The following OGA variants were observed in gnomAD, a reference collection of about 807,000 sequenced individuals.
OGA encodes the protein O-GlcNAcase.
In OGA, 21 loss-of-function variants were observed where a neutral mutation model predicts 102.0. The ratio of observed to expected loss-of-function variants is 0.21; its 90% CI spans 0.15 to 0.30. The LOEUF is 0.30. Among genes scored for constraint, OGA ranks in the 10% least tolerant of loss-of-function variants. The pLI is 1.00. For missense variants in OGA, 765 were observed against 1,107.8 expected, an observed-to-expected ratio of 0.69 and a Z score of 4.39; for synonymous variants, 408 against 378.2, an observed-to-expected ratio of 1.08 and a Z score of -0.91.
chr10:101,799,335 C>T lies in OGA; in HGVS notation c.1316G>A (p.Ser439Asn), dbSNP rs770015307. ...VTTVYQEPIM[S>N]QGAALSGEPT... ...CTCACCACTCAAGGCTGCTCCCTGG[C>T]TCATAATGGGCTCCTGATAAACTGT... is the stretch of plus-strand genomic sequence containing the variant. The change falls in exon 9 of 16, where the codon AGC (serine) becomes AAC (asparagine). Residue 439 changes from serine to asparagine, a missense_variant. By Grantham distance (46) the Ser-to-Asn change is conservative (BLOSUM62 1). Coordinates refer to ENST00000361464, the MANE Select transcript of OGA (RefSeq NM_012215.5). 2 of 1,614,128 alleles carry T rather than the reference C, an allele frequency of 1.2e-6. No homozygotes were observed. The highest frequency in any genetic ancestry group is 2.2e-5 in the East Asian group (1 of 44,886).
rs373665712 is a variant in OGA at position 101,791,305 on chromosome 10, A to C, written c.2261+49T>G. On this transcript the variant is annotated intron_variant, in intron 13 of 15. Coordinates refer to ENST00000361464, the MANE Select transcript of OGA (RefSeq NM_012215.5). ...GTCATCACCTCCCCTCAACCTGATA[A>C]GCCTCACTATGAAAGGTCTACTCTC... is the stretch of plus-strand genomic sequence containing the variant. 2.0e-6 allele frequency: 3 copies of C among 1,468,058 alleles called. No individual in the cohort carries two copies. The African/African-American group carries it at 4.2e-5, about 20-fold the overall frequency. The allele number at this position is 1,468,058 out of a possible 1,614,324, so 90.9% of individuals were successfully genotyped here. A position where few individuals can be genotyped will look rare whatever the true frequency, so the allele number is the denominator to read the frequency against.
At chr10:101,808,357 A>G (rs1384147585) in intron 4 of OGA, among the ~76,000 whole-genome samples, 1 of 152,212 alleles carries the variant, frequency 6.6e-6, no homozygotes, top group Non-Finnish European at 1.5e-5. Flanking sequence ...AAAGTGGCCT[A>G]GCCTCCTAGT....
intron 1 of OGA, among the ~76,000 whole-genome samples, chr10:101,815,301 C>T (rs1249169464): frequency 6.6e-6 from 1 of 150,814 alleles, no homozygotes; most frequent in African/African-American, 2.4e-5. Context: ...TTTTCTCAGG[C>T]GGAATCTCAC....
intron 12 of OGA, among the ~76,000 whole-genome samples, chr10:101,791,926 AAGT>A (rs1468119119): frequency 6.6e-6 from 1 of 152,046 alleles, no homozygotes; most frequent in Non-Finnish European, 1.5e-5. Context: ...TCTCAGGCTC[AAGT>A]AATTCTCCGG....
chr10:101,812,320 T>C (rs2065569385), intron 3 of OGA, among the ~76,000 whole-genome samples: 1 of 152,022 alleles, frequency 6.6e-6, no homozygotes, highest in African/African-American at 2.4e-5. Context: ...GGCAGCAGAA[T>C]CTCTTGAACT....
chr10:101,787,794 A>T (rs1429634117), intron 14 of OGA: 4 of 332,888 alleles, frequency 1.2e-5, no homozygotes, highest in Non-Finnish European at 2.3e-5. Flanking sequence ...CCCTATTTAT[A>T]TCGTCAGGGC....
At chr10:101,804,100 T>TG in intron 6 of OGA, 81 bp from the exon 7 acceptor site, 14 of 1,308,270 alleles carry the variant, frequency 1.1e-5, no homozygotes, top group African/African-American at 1.5e-5. Context: ...ATCCCAGCAC[T>TG]CTGGGAGGCA....
intron 12 of OGA, among the ~76,000 whole-genome samples, chr10:101,792,172 CCGCACCCAGCTA>C (rs2065267674): frequency 1.3e-5 from 2 of 152,262 alleles, no homozygotes; most frequent in Non-Finnish European, 1.5e-5. Context: ...GCACCCACCA[CCGCACCCAGCTA>C]ATTTTTTTTG....
At chr10:101,799,980 G>A (rs1035028831) in intron 8 of OGA, among the ~76,000 whole-genome samples, 1 of 152,102 alleles carries the variant, frequency 6.6e-6, no homozygotes, top group Non-Finnish European at 1.5e-5. Context: ...TGAGGCGACT[G>A]TCCTGCCTCA....
Position 101,786,560 on chromosome 10 carries a change from C to T in OGA, c.2642G>A (p.Arg881Lys). 6.2e-7 allele frequency: 1 copy of T among 1,608,924 alleles called. No individual in the cohort carries two copies. The highest frequency in any genetic ancestry group is 8.5e-7 in the Non-Finnish European group (1 of 1,178,138). ...TTCCAGAATTCTTTTATCATCTGGTCTCACTTCACAGAAAGCTCCCCGGGA... is the reference window on the plus strand; with the variant it reads ...TTCCAGAATTCTTTTATCATCTGGTTTCACTTCACAGAAAGCTCCCCGGGA... ...NGSRGAFCEVRPDDKRILEFY... is the reference protein window; with the variant it reads ...NGSRGAFCEVKPDDKRILEFY... Residue 881 changes from arginine to lysine, a missense_variant, in exon 16 of 16, where the codon AGA (arginine) becomes AAA (lysine). Arg to Lys is a conservative substitution (Grantham distance 26, BLOSUM62 2). Around this residue, in one of 7 missense-constraint regions of OGA, gnomAD observed 146 missense variants for 269.7 expected, o/e 0.54. Transcript: ENST00000361464.
intron 6 of OGA, among the ~76,000 whole-genome samples, chr10:101,805,655 CAAAAA>C (rs976862193): frequency 2.5e-5 from 2 of 80,732 alleles, no homozygotes. Context: ...TGCTCTGTCT[CAAAAA>C]AAAAAAAAAA....
intron 6 of OGA, 93 bp from the exon 7 acceptor site, chr10:101,804,112 A>G: frequency 8.6e-7 from 1 of 1,165,450 alleles, no homozygotes; most frequent in South Asian, 1.5e-5. Flanking sequence ...TGGGAGGCAG[A>G]GGTGGGCAGA....
Position 101,799,322 on chromosome 10 carries a change from G to C in OGA, c.1329C>G (p.Ala443=). The C allele has an allele frequency of 6.2e-7, 1 of 1,614,096 alleles. No individual in the cohort carries two copies. Among genetic ancestry groups the C allele is most frequent in the South Asian group, 1.1e-5 (1 of 91,078 alleles). ...TCAGAGTAGTAGGCTCACCACTCAA[G>C]GCTGCTCCCTGGCTCATAATGGGCT... ...YQEPIMSQGA[A]LSGEPTTLTK... Residue 443 remains alanine (A), a synonymous_variant, in exon 9 of 16, where the codon GCC becomes GCG. Transcript: ENST00000361464.
In OGA at chr10:101,786,416, A is replaced by G. The variant is rs368884199; in HGVS notation, c.*35T>C. ...AACTACCATTCACAAGGTGCAGTTA[A>G]GAGACTTTTGGACAGTTCACAGTGT... On this transcript the variant is annotated 3_prime_UTR_variant, in exon 16 of 16. Coordinates refer to ENST00000361464, the MANE Select transcript of OGA (RefSeq NM_012215.5). 1.3e-6 allele frequency: 2 copies of G among 1,551,418 alleles called. No homozygotes were observed. The highest frequency in any genetic ancestry group is 2.3e-5 in the East Asian group (1 of 43,210).
At chr10:101,809,465 C>T (rs529539288) in intron 4 of OGA, among the ~76,000 whole-genome samples, 41 of 152,240 alleles carry the variant, frequency 2.7e-4, no homozygotes, top group African/African-American at 9.4e-4. Context: ...ACTGTAATCC[C>T]GGCACTCTGG....
intron 14 of OGA, 57 bp from the exon 15 acceptor site, chr10:101,787,580 C>G: frequency 3.5e-6 from 5 of 1,430,956 alleles, no homozygotes; most frequent in Non-Finnish European, 4.8e-6. Context: ...ATATCTAACC[C>G]AACTACAGAA....
intron 8 of OGA, among the ~76,000 whole-genome samples, chr10:101,799,899 G>C (rs1212723679): frequency 6.6e-6 from 1 of 152,082 alleles, no homozygotes; most frequent in Non-Finnish European, 1.5e-5. Flanking sequence ...TTGAGACAGA[G>C]TCTCGCTCTG....
In OGA at chr10:101,799,207, G is replaced by T. The variant is rs1444767597; in HGVS notation, c.1444C>A (p.Gln482Lys). The T allele has an allele frequency of 6.2e-7, 1 of 1,614,178 alleles. No homozygotes were observed. The highest frequency in any genetic ancestry group is 8.5e-7 in the Non-Finnish European group (1 of 1,180,032). The change falls in exon 9 of 16, where the codon CAA becomes AAA. Residue 482 changes from glutamine to lysine, a missense_variant. Coordinates refer to ENST00000361464, the MANE Select transcript of OGA (RefSeq NM_012215.5). ...GCTTCAACAATTTCACTCAGTATTTGATTGTCATTCTTGTGGTCCGTTTCT... is the reference window on the plus strand; with the variant it reads ...GCTTCAACAATTTCACTCAGTATTTTATTGTCATTCTTGTGGTCCGTTTCT... ...QEETDHKNDN[Q>K]ILSEIVEAKM...
chr10:101,818,042 G>C lies in OGA; in HGVS notation c.-20C>G. The C allele has an allele frequency of 6.5e-7, 1 of 1,549,662 alleles. No individual in the cohort carries two copies. The highest frequency in any genetic ancestry group is 8.7e-7 in the Non-Finnish European group (1 of 1,143,810). On this transcript the variant is annotated 5_prime_UTR_variant, in exon 1 of 16. Transcript: ENST00000361464. ...CACCATCCTCCTGCCCCCGGCCGCTGCCACCTCTGCGGGTCCTCCTCGACC... is the reference window on the plus strand; with the variant it reads ...CACCATCCTCCTGCCCCCGGCCGCTCCCACCTCTGCGGGTCCTCCTCGACC...
Sources: gnomAD v4.1 joint callset for allele counts (sites outside exome capture counted in the v4.1 genomes callset) on GRCh38, gnomAD v4.1.1 for gene constraint, gnomAD v4.1.1 regional missense constraint, MANE v1.5 for transcripts, NCBI Gene and HGNC (gene_info 2026-07-23, HGNC 2026-07-21) for gene names.